Variants in THSD7A observed in about 807,000 individuals in gnomAD.
THSD7A encodes thrombospondin type 1 domain containing 7A.
A neutral mutation model predicts 231.3 loss-of-function variants in THSD7A; 96 were observed. The ratio of observed to expected loss-of-function variants is 0.41; its 90% CI spans 0.35 to 0.49. The LOEUF (loss-of-function observed/expected upper bound fraction) is 0.49. Ranked by LOEUF, THSD7A falls within the 20% of genes least tolerant of loss-of-function variation. THSD7A has a pLI of 0.05. For synonymous variants in THSD7A, 940 were observed against 743.3 expected (o/e 1.26, Z -4.30); for missense variants, 2,290 against 2,070.2 (o/e 1.11, Z -2.06).
chr7:11,822,738 A>G (rs1784911099), intron 1 of THSD7A, among the ~76,000 whole-genome samples: 1 of 151,990 alleles, frequency 6.6e-6, no homozygotes, highest in African/African-American at 2.4e-5. Context: ...AAAAATGTCT[A>G]TTCATGTCCA....
chr7:11,479,869 C>CATTTAAAATT (rs146521108), intron 7 of THSD7A, among the ~76,000 whole-genome samples: 115,132 of 151,442 alleles, frequency 0.76, 43,741 homozygotes, highest in South Asian at 0.82. Flanking sequence ...TTATGGCTTC[C>CATTTAAAATT]ATGTTTTACA....
At chr7:11,380,537 T>C (rs913779349) in intron 24 of THSD7A, among the ~76,000 whole-genome samples, 4 of 152,172 alleles carry the variant, frequency 2.6e-5, no homozygotes, top group Non-Finnish European at 2.9e-5. Context: ...TTTCTCTCAA[T>C]ATTATAATCA....
chr7:11,488,957 C>T (rs1031181091), intron 6 of THSD7A, among the ~76,000 whole-genome samples: 1 of 151,248 alleles, frequency 6.6e-6, no homozygotes, highest in Non-Finnish European at 1.5e-5. Flanking sequence ...CCTCTGTGAA[C>T]ATTATTTGAC....
At chr7:11,431,324 G>A (rs1041714152) in intron 13 of THSD7A, among the ~76,000 whole-genome samples, 2 of 152,080 alleles carry the variant, frequency 1.3e-5, no homozygotes, top group Non-Finnish European at 2.9e-5. Context: ...GAATTTAATA[G>A]TTTTAGCTCT....
chr7:11,467,562 A>G (rs539223849), intron 9 of THSD7A, among the ~76,000 whole-genome samples: 9 of 152,280 alleles, frequency 5.9e-5, no homozygotes, highest in Non-Finnish European at 1.2e-4. Context: ...TTCACAATCT[A>G]TTCATTCTCA....
At chr7:11,514,029 C>T (rs562018715) in intron 6 of THSD7A, among the ~76,000 whole-genome samples, 9 of 152,072 alleles carry the variant, frequency 5.9e-5, no homozygotes, top group African/African-American at 2.2e-4. Context: ...TGTGCACCAC[C>T]TCAATGTCTT....
At chr7:11,794,506 C>T (rs112026510) in intron 1 of THSD7A, among the ~76,000 whole-genome samples, 600 of 152,044 alleles carry the variant, frequency 3.9e-3, no homozygotes, top group Non-Finnish European at 5.3e-3. Context: ...TTCTCTCCCC[C>T]CTGCCTCTTT....
rs1400383698 is a variant in THSD7A, at chr7:11,444,350, C to T, written c.3064+1711G>A. Among the ~76,000 whole-genome samples, 3 of 152,062 alleles carry T rather than the reference C, an allele frequency of 2.0e-5. No individual in the cohort carries two copies. The highest frequency in any genetic ancestry group is 4.4e-5 in the Non-Finnish European group (3 of 68,020). On this transcript the variant is annotated intron_variant, in intron 13 of 27. Transcript: ENST00000423059. This position sits in a 1 kb window ranked among gnomAD's most constrained non-coding sequence, Gnocchi z 4.2. ...ATTCTACTATAAAGACACATGCACACGTATGTTTACTGTGGCACTGTTCAC... is the reference window on the plus strand; with the variant it reads ...ATTCTACTATAAAGACACATGCACATGTATGTTTACTGTGGCACTGTTCAC...
chr7:11,741,990 T>A (rs903408179), intron 1 of THSD7A, among the ~76,000 whole-genome samples: 19 of 151,938 alleles, frequency 1.3e-4, no homozygotes, highest in Non-Finnish European at 4.4e-5. Flanking sequence ...CAAGGATAAT[T>A]GACTTGTCCA....
intron 1 of THSD7A, among the ~76,000 whole-genome samples, chr7:11,698,150 C>G (rs1780460083): frequency 6.6e-6 from 1 of 151,268 alleles, no homozygotes; most frequent in African/African-American, 2.4e-5. Context: ...ATGTATGTAT[C>G]TAAATATGAT....
intron 1 of THSD7A, among the ~76,000 whole-genome samples, chr7:11,817,297 C>A (rs1421461279): frequency 6.6e-6 from 1 of 152,180 alleles, no homozygotes; most frequent in Non-Finnish European, 1.5e-5. Context: ...GTTTTACAAG[C>A]AAAGGAACTT....
At position 11,636,040 on chromosome 7, in the gene THSD7A, T is replaced by A; in HGVS notation, c.1022+90A>T. 1 of 1,268,826 alleles carries A rather than the reference T, an allele frequency of 7.9e-7. No homozygotes were observed. The allele number at this position is 1,268,826 out of a possible 1,614,324, so 78.6% of individuals were successfully genotyped here. A position where few individuals can be genotyped will look rare whatever the true frequency, so the allele number is the denominator to read the frequency against. On this transcript the variant is annotated intron_variant, in intron 2 of 27. Coordinates refer to ENST00000423059, the MANE Select transcript of THSD7A (RefSeq NM_015204.3). The surrounding 1 kb of genome is among the most constrained non-coding windows in gnomAD (Gnocchi z 10.0). ...CATCCTAGGTTGTGCCCCTACGTAA[T>A]CCAGAAGTTATTAGATAGTACCGGA...
intron 1 of THSD7A, among the ~76,000 whole-genome samples, chr7:11,795,701 G>A (rs940701145): frequency 4.0e-5 from 6 of 151,600 alleles, no homozygotes; most frequent in Admixed American, 2.0e-4. Context: ...GCTCCCTTAC[G>A]CTTCTGCTTC....
At chr7:11,601,456 G>A (rs888735452) in intron 2 of THSD7A, among the ~76,000 whole-genome samples, 1 of 152,158 alleles carries the variant, frequency 6.6e-6, no homozygotes, top group South Asian at 2.1e-4. Context: ...CTCTGCATGT[G>A]GCAACTCTTA....
At chr7:11,735,380 A>T (rs183102965) in intron 1 of THSD7A, among the ~76,000 whole-genome samples, 224 of 152,100 alleles carry the variant, frequency 1.5e-3, no homozygotes, top group African/African-American at 4.9e-3. Flanking sequence ...TTGAGTGCCA[A>T]CATGATGCCA....
chr7:11,532,204 T>G lies in THSD7A; in HGVS notation c.1822+9215A>C, dbSNP rs1176964613. On this transcript the variant is annotated intron_variant, in intron 6 of 27. Coordinates refer to ENST00000423059, the MANE Select transcript of THSD7A (RefSeq NM_015204.3). ...GGGCCAACTTAGGCCATTCCACCCA[T>G]GCCAGCTCTTCAGCTAAATACAGCT... is the stretch of plus-strand genomic sequence containing the variant. Among the ~76,000 whole-genome samples the G allele has an allele frequency of 2.0e-5, 3 of 152,188 alleles. No homozygotes were observed. The South Asian group carries it at 6.2e-4, about 32-fold the overall frequency.
intron 4 of THSD7A, among the ~76,000 whole-genome samples, chr7:11,556,559 C>T (rs552578085): frequency 6.6e-6 from 1 of 151,954 alleles, no homozygotes; most frequent in Non-Finnish European, 1.5e-5. Context: ...ACTTTGTTTA[C>T]CCGCTCTTTC....
chr7:11,726,645 C>T lies in THSD7A; in HGVS notation c.191-89684G>A, dbSNP rs149892126. ...TATTCTAAATGGATTGTGACTCCCC[C>T]GTGGAATACCTGAATCAAGGAGAAA... On this transcript the variant is annotated intron_variant, in intron 1 of 27. Transcript: ENST00000423059. 5.9e-5 allele frequency among the ~76,000 whole-genome samples: 9 copies of T among 152,054 alleles called. No individual in the cohort carries two copies. The East Asian group carries it at 1.6e-3, about 26-fold the overall frequency.
At chr7:11,376,322 C>T (rs959918260) in intron 27 of THSD7A, among the ~76,000 whole-genome samples, 2 of 152,008 alleles carry the variant, frequency 1.3e-5, no homozygotes, top group Non-Finnish European at 1.5e-5. Flanking sequence ...GAGTACAAAG[C>T]AATATTTTCT....
Sources: allele counts gnomAD v4.1 joint callset (sites outside exome capture counted in the v4.1 genomes callset), GRCh38; gene constraint gnomAD v4.1.1; non-coding constraint Gnocchi (gnomAD v3.1); transcripts MANE v1.5; gene names NCBI Gene and HGNC (gene_info 2026-07-23, HGNC 2026-07-21).